Variants in GRIK2 observed in about 807,000 individuals in gnomAD.
GRIK2 encodes the protein glutamate ionotropic receptor kainate type subunit 2.
In GRIK2, 32 loss-of-function variants were observed where a neutral mutation model predicts 100.3. The ratio of observed to expected loss-of-function variants is 0.32; its 90% CI spans 0.24 to 0.43. The LOEUF is 0.43. GRIK2 is among the 20% of genes least tolerant of loss of function. The pLI is 1.00. For missense variants in GRIK2, 843 were observed against 1,114.9 expected (o/e 0.76, Z 3.47); for synonymous variants, 417 against 389.4 (o/e 1.07, Z -0.83).
chr6:101,552,994 A>G (rs1184381607), intron 2 of GRIK2, among the ~76,000 whole-genome samples: 5 of 152,220 alleles, frequency 3.3e-5, no homozygotes, highest in South Asian at 2.1e-4. Flanking sequence ...GTACATGACC[A>G]TATTACTTAT....
intron 15 of GRIK2, among the ~76,000 whole-genome samples, chr6:102,046,772 T>G (rs1770910570): frequency 6.6e-6 from 1 of 152,160 alleles, no homozygotes; most frequent in South Asian, 2.1e-4. Context: ...TCTTCTCAAC[T>G]GTCCATGTAA....
At chr6:101,685,658 T>C (rs1771624786) in intron 6 of GRIK2, among the ~76,000 whole-genome samples, 1 of 152,134 alleles carries the variant, frequency 6.6e-6, no homozygotes, top group African/African-American at 2.4e-5. Context: ...GTATTGTTTC[T>C]GCAACCAAAA....
At chr6:101,835,160 A>T (rs1039681097) in intron 10 of GRIK2, among the ~76,000 whole-genome samples, 1 of 151,968 alleles carries the variant, frequency 6.6e-6, no homozygotes. Context: ...GAAACATTAA[A>T]TTTTTTCAAT....
chr6:101,837,736 G>A (rs967379166), intron 10 of GRIK2, among the ~76,000 whole-genome samples: 2 of 152,096 alleles, frequency 1.3e-5, no homozygotes, highest in Non-Finnish European at 1.5e-5. Flanking sequence ...CTCCAGAAAT[G>A]GGTTGAAATT....
intron 7 of GRIK2, among the ~76,000 whole-genome samples, chr6:101,707,592 G>GTATATATA (rs1451926404): frequency 0.011 from 1,458 of 127,596 alleles, 24 homozygotes; most frequent in East Asian, 0.039. Context: ...GTGTGTGTGT[G>GTATATATA]TGTATATATG....
chr6:101,836,291 C>T (rs1479757960), intron 10 of GRIK2, among the ~76,000 whole-genome samples: 4 of 151,966 alleles, frequency 2.6e-5, no homozygotes, highest in Non-Finnish European at 4.4e-5. Flanking sequence ...TTATGTTGAA[C>T]ATTCTCTAGA....
chr6:102,025,353 G>A (rs1014567735), intron 14 of GRIK2, among the ~76,000 whole-genome samples: 20 of 151,172 alleles, frequency 1.3e-4, no homozygotes, highest in African/African-American at 4.8e-4. Flanking sequence ...AGATAAATAA[G>A]TATAAAGAGG....
intron 2 of GRIK2, among the ~76,000 whole-genome samples, chr6:101,527,343 A>G (rs965531661): frequency 6.6e-6 from 1 of 152,190 alleles, no homozygotes; most frequent in Non-Finnish European, 1.5e-5. Context: ...TTAGAGGCCC[A>G]TAGCCTTTAC....
At chr6:101,793,681 AGTCTGCCC>A (rs1423848247) in intron 7 of GRIK2, among the ~76,000 whole-genome samples, 1 of 152,146 alleles carries the variant, frequency 6.6e-6, no homozygotes, top group Non-Finnish European at 1.5e-5. Flanking sequence ...TTGAGGAGGC[AGTCTGCCC>A]GTTCTCAGAT....
intron 12 of GRIK2, chr6:101,890,136 G>A (rs1786949326): frequency 7.4e-6 from 2 of 268,858 alleles, no homozygotes; most frequent in Non-Finnish European, 1.4e-5. Context: ...AAATCAATAT[G>A]ATAAATGAAT....
At chr6:101,450,867 T>G (rs1316145003) in intron 2 of GRIK2, among the ~76,000 whole-genome samples, 1 of 151,714 alleles carries the variant, frequency 6.6e-6, no homozygotes, top group Non-Finnish European at 1.5e-5. Context: ...TTGTGTGTGT[T>G]TAGCTCTGGC....
intron 2 of GRIK2, among the ~76,000 whole-genome samples, chr6:101,423,412 C>A (rs1776519271): frequency 6.6e-6 from 1 of 152,156 alleles, no homozygotes; most frequent in Non-Finnish European, 1.5e-5. Flanking sequence ...ACAGTCCTGA[C>A]AACAGTATAC....
intron 16 of GRIK2, among the ~76,000 whole-genome samples, chr6:102,060,128 T>C (rs1345768256): frequency 1.3e-5 from 2 of 150,910 alleles, no homozygotes. Flanking sequence ...GTGGTATTGT[T>C]GTTTTTTTAG....
intron 13 of GRIK2, among the ~76,000 whole-genome samples, chr6:101,926,202 T>G (rs9485561): frequency 0.61 from 70,826 of 115,630 alleles, 18,315 homozygotes; most frequent in East Asian, 0.83. Context: ...AGGGTTTTTT[T>G]TTTTTTTTTT....
chr6:101,889,342 G>A (rs1786879968), intron 11 of GRIK2, among the ~76,000 whole-genome samples: 2 of 151,766 alleles, frequency 1.3e-5, no homozygotes, highest in Admixed American at 6.6e-5. Flanking sequence ...CATGTACTGA[G>A]TGTACAATAG....
chr6:101,490,929 A>G (rs1027365986), intron 2 of GRIK2, among the ~76,000 whole-genome samples: 14 of 138,806 alleles, frequency 1.0e-4, no homozygotes, highest in Non-Finnish European at 8.0e-5. Context: ...ACAGACATGC[A>G]TGCGTGCACA....
At chr6:101,464,487 CTT>C (rs1771509743) in intron 2 of GRIK2, among the ~76,000 whole-genome samples, 1 of 95,918 alleles carries the variant, frequency 1.0e-5, no homozygotes, top group African/African-American at 3.9e-5. Flanking sequence ...TTTACCTTTT[CTT>C]TTTCTTTCTT....
At chr6:101,682,708 G>A (rs1771367515) in intron 6 of GRIK2, 102 bp downstream of exon 6, 2 of 554,842 alleles carry the variant, frequency 3.6e-6, no homozygotes, top group Non-Finnish European at 6.5e-6. Context: ...TGATTCCTTT[G>A]TAGTTATATT....
At chr6:101,924,768 T>C (rs556867979) in intron 13 of GRIK2, 49 bp downstream of exon 13, 2 of 1,139,260 alleles carry the variant, frequency 1.8e-6, no homozygotes, top group South Asian at 2.5e-5. Flanking sequence ...TCCCACTCTT[T>C]GCTGGGGGTG....
Sources: gnomAD v4.1 joint callset for allele counts (sites outside exome capture counted in the v4.1 genomes callset) on GRCh38, gnomAD v4.1.1 for gene constraint, MANE v1.5 for transcripts, NCBI Gene and HGNC (gene_info 2026-07-23, HGNC 2026-07-21) for gene names.